Variants in EYS observed in about 807,000 individuals in gnomAD.
EYS encodes the protein EGF-like photoreceptor maintenance factor, also known as protein eyes shut homolog.
A neutral mutation model predicts 282.1 loss-of-function variants in EYS; 250 were observed. The observed-to-expected ratio is 0.89, with a 90% CI of 0.80 to 0.98. EYS has a LOEUF of 0.98. Ranked by LOEUF, EYS falls within the 50% of genes least tolerant of loss-of-function variation. EYS has a pLI of 0.00. For missense variants in EYS, 4,016 were observed against 3,709.0 expected (o/e 1.08, Z -2.15); for synonymous variants, 1,355 against 1,282.9 (o/e 1.06, Z -1.20).
At chr6:65,379,413 A>G (rs1765526851) in intron 8 of EYS, among the ~76,000 whole-genome samples, 1 of 152,168 alleles carries the variant, frequency 6.6e-6, no homozygotes, top group Admixed American at 6.6e-5. Flanking sequence ...ACGAAATTCA[A>G]CACCGCTTCA....
intron 31 of EYS, among the ~76,000 whole-genome samples, chr6:64,158,739 C>G (rs1249279845): frequency 6.6e-6 from 1 of 152,148 alleles, no homozygotes; most frequent in African/African-American, 2.4e-5. Flanking sequence ...TTTAAGTTAC[C>G]TATCAAACTG....
chr6:65,554,890 T>A (rs1054331309), intron 2 of EYS, among the ~76,000 whole-genome samples: 1 of 152,178 alleles, frequency 6.6e-6, no homozygotes, highest in Non-Finnish European at 1.5e-5. Flanking sequence ...GTATCAGCCC[T>A]GATCTCAACA....
chr6:65,121,172 C>A (rs1219502866), intron 12 of EYS, among the ~76,000 whole-genome samples: 2 of 152,100 alleles, frequency 1.3e-5, no homozygotes, highest in Non-Finnish European at 2.9e-5. Context: ...GCCCACTAAC[C>A]ACTGAGCAAT....
chr6:64,365,386 A>G (rs1772152906), intron 29 of EYS, among the ~76,000 whole-genome samples: 1 of 151,948 alleles, frequency 6.6e-6, no homozygotes, highest in African/African-American at 2.4e-5. Flanking sequence ...AGAGAGGGGA[A>G]CTATCAACTA....
chr6:65,687,419 A>C (rs1769062684), intron 1 of EYS, among the ~76,000 whole-genome samples: 2 of 152,096 alleles, frequency 1.3e-5, no homozygotes, highest in South Asian at 4.2e-4. Flanking sequence ...ATCAAGGTCA[A>C]ATAACTCCCT....
At chr6:63,844,306 C>CA (rs1772041920) in intron 36 of EYS, among the ~76,000 whole-genome samples, 1 of 152,178 alleles carries the variant, frequency 6.6e-6, no homozygotes, top group Non-Finnish European at 1.5e-5. Flanking sequence ...AATAGTGCTG[C>CA]AATGAACATA....
In EYS at chr6:64,667,264, T is replaced by C. The variant is rs72884521; in HGVS notation, c.3444-41019A>G. Among the ~76,000 whole-genome samples the C allele has an allele frequency of 3.7e-3, 555 of 151,196 alleles. 3 individuals are homozygous for C. Among genetic ancestry groups the C allele is most frequent in the Non-Finnish European group, 4.7e-3 (320 of 67,806 alleles). ...TTTATTGGTATCTAAGTTTTTAATA[T>C]AAAAATTAATTTATTTGATCTCCTA... On this transcript the variant is annotated intron_variant, in intron 22 of 42. Transcript: ENST00000503581.
chr6:65,305,512 G>A (rs1768980968), intron 11 of EYS, among the ~76,000 whole-genome samples: 1 of 152,212 alleles, frequency 6.6e-6, no homozygotes. Flanking sequence ...CAGGAAGCCT[G>A]TAATGTGGGC....
intron 13 of EYS, among the ~76,000 whole-genome samples, chr6:65,011,302 G>A (rs7751922): frequency 0.33 from 49,715 of 152,030 alleles, 8,777 homozygotes; most frequent in African/African-American, 0.45. Context: ...GGGCCTGTGA[G>A]GTGTGCCAAA....
At chr6:64,111,220 C>G (rs1773192975) in intron 31 of EYS, among the ~76,000 whole-genome samples, 1 of 151,980 alleles carries the variant, frequency 6.6e-6, no homozygotes, top group African/African-American at 2.4e-5. Flanking sequence ...AATAGTTGTA[C>G]CTCATTGGCA....
intron 41 of EYS, among the ~76,000 whole-genome samples, chr6:63,761,714 T>C (rs959792347): frequency 5.9e-5 from 9 of 151,960 alleles, no homozygotes; most frequent in African/African-American, 2.2e-4. Context: ...GGGTGGTGGG[T>C]GAGGCAGGAT....
At chr6:65,141,649 G>GTCTGTCTGTCTA (rs1216509536) in intron 12 of EYS, among the ~76,000 whole-genome samples, 2,036 of 131,256 alleles carry the variant, frequency 0.016, 19 homozygotes, top group African/African-American at 0.024. Context: ...CTGTCTGTCT[G>GTCTGTCTGTCTA]TCTATCTATC....
chr6:64,689,642 G>T (rs1485604863), intron 22 of EYS, among the ~76,000 whole-genome samples: 1 of 152,046 alleles, frequency 6.6e-6, no homozygotes, highest in African/African-American at 2.4e-5. Flanking sequence ...TAGGGCAATG[G>T]AACAGAAGAG....
intron 31 of EYS, among the ~76,000 whole-genome samples, chr6:64,128,743 C>A (rs965973348): frequency 6.6e-6 from 1 of 152,134 alleles, no homozygotes; most frequent in Non-Finnish European, 1.5e-5. Flanking sequence ...AGTACTTATT[C>A]ATTCAAAAAG....
chr6:64,703,765 C>A (rs1420705094), intron 22 of EYS, among the ~76,000 whole-genome samples: 1 of 151,956 alleles, frequency 6.6e-6, no homozygotes, highest in Non-Finnish European at 1.5e-5. Context: ...ACAAAAATGA[C>A]AAATTGTGAA....
chr6:65,436,586 G>C (rs1228466934), intron 5 of EYS, among the ~76,000 whole-genome samples: 1 of 152,134 alleles, frequency 6.6e-6, no homozygotes, highest in East Asian at 1.9e-4. Context: ...TAAACCATTT[G>C]TGACACAGCA....
intron 1 of EYS, among the ~76,000 whole-genome samples, chr6:65,648,572 G>A (rs545645191): frequency 3.2e-4 from 49 of 152,102 alleles, no homozygotes; most frequent in African/African-American, 1.0e-3. Flanking sequence ...TGGGAGGGTC[G>A]TGAGGAGTAA....
At chr6:64,690,671 C>G (rs1770346534) in intron 22 of EYS, among the ~76,000 whole-genome samples, 1 of 152,036 alleles carries the variant, frequency 6.6e-6, no homozygotes. Context: ...GAGTTTATGT[C>G]CTTTGTAGGG....
intron 2 of EYS, among the ~76,000 whole-genome samples, chr6:65,523,368 C>T (rs575350070): frequency 1.1e-4 from 17 of 152,130 alleles, no homozygotes; most frequent in African/African-American, 3.9e-4. Context: ...AGAAATCCTG[C>T]CATTTGAAAC....
Sources: gnomAD v4.1 joint callset for allele counts (sites outside exome capture counted in the v4.1 genomes callset) on GRCh38, gnomAD v4.1.1 for gene constraint, MANE v1.5 for transcripts, NCBI Gene and HGNC (gene_info 2026-07-23, HGNC 2026-07-21) for gene names.